The following XCR1 variants were observed in gnomAD, a reference collection of about 807,000 sequenced individuals.
The protein encoded by XCR1 is X-C motif chemokine receptor 1, also known as chemokine XC receptor 1.
For synonymous variants in XCR1, 187 were observed against 188.5 expected (o/e 0.99, Z 0.06); for missense variants, 356 against 424.2 (o/e 0.84, Z 1.41).
At chr3:46,051,957 C>T (rs948068792) in intron 5 of XCR1, among the ~76,000 whole-genome samples, 19 of 151,798 alleles carry the variant, frequency 1.3e-4, no homozygotes, top group Admixed American at 1.2e-3. Flanking sequence ...ACCCGGGAGG[C>T]GGAGCTTGCA....
chr3:46,053,325 G>C (rs1432595509), intron 5 of XCR1, among the ~76,000 whole-genome samples: 1 of 145,532 alleles, frequency 6.9e-6, no homozygotes, highest in South Asian at 2.1e-4. Context: ...ACGGAAATAG[G>C]AAAAGCACGA....
chr3:46,051,728 T>G (rs1376291857), intron 5 of XCR1, among the ~76,000 whole-genome samples: 1 of 152,178 alleles, frequency 6.6e-6, no homozygotes, highest in Non-Finnish European at 1.5e-5. Context: ...TCTTGTGACA[T>G]TAAAACTACT....
chr3:46,042,447 T>TAG (rs1407403134), intron 5 of XCR1, among the ~76,000 whole-genome samples: 1 of 152,100 alleles, frequency 6.6e-6, no homozygotes, highest in Non-Finnish European at 1.5e-5. Flanking sequence ...TAGAGATATA[T>TAG]AGAGAGAGAA....
chr3:46,028,155 C>G (rs1297539140), upstream of XCR1, among the ~76,000 whole-genome samples: 4 of 152,024 alleles, frequency 2.6e-5, no homozygotes, highest in African/African-American at 9.7e-5. Flanking sequence ...AAATCCAACT[C>G]TGCCTTCTTC....
chr3:46,039,772 T>C (rs548842411), intron 5 of XCR1, among the ~76,000 whole-genome samples: 8 of 152,290 alleles, frequency 5.3e-5, no homozygotes, highest in African/African-American at 1.7e-4. Context: ...AGGTCCATGA[T>C]ATTGCAAGGA....
intron 5 of XCR1, among the ~76,000 whole-genome samples, chr3:46,039,288 A>G (rs1697492857): frequency 6.9e-6 from 1 of 145,304 alleles, no homozygotes; most frequent in Non-Finnish European, 1.5e-5. Flanking sequence ...TGATACTTGC[A>G]TTTACCATTT....
At chr3:46,023,911 T>A in intron 1 of XCR1, 1 of 1,504,984 alleles carries the variant, frequency 6.6e-7, no homozygotes, top group Non-Finnish European at 9.2e-7. Flanking sequence ...GCCAGACTTC[T>A]AAAAAGGTCC....
At chr3:46,024,225 A>G in intron 1 of XCR1, 1 of 363,584 alleles carries the variant, frequency 2.8e-6, no homozygotes, top group Non-Finnish European at 5.0e-6. Flanking sequence ...AAAAAAAAAA[A>G]AAAAAATGAA....
At chr3:46,042,697 G>C (rs997533921) in intron 5 of XCR1, among the ~76,000 whole-genome samples, 4 of 152,108 alleles carry the variant, frequency 2.6e-5, no homozygotes, top group Admixed American at 6.5e-5. Context: ...TCCCAATAAA[G>C]AAAAGTCCAA....
intron 1 of XCR1, among the ~76,000 whole-genome samples, chr3:46,081,966 C>G (rs1419425026): frequency 6.6e-6 from 1 of 152,112 alleles, no homozygotes; most frequent in Non-Finnish European, 1.5e-5. Flanking sequence ...ATTTTGATTA[C>G]TGGAAAGGAT....
chr3:46,047,844 G>C (rs1015688365), intron 5 of XCR1, among the ~76,000 whole-genome samples: 1 of 152,154 alleles, frequency 6.6e-6, no homozygotes, highest in Admixed American at 6.5e-5. Context: ...TTGACCTTTA[G>C]GTCCGCAATG....
intron 5 of XCR1, among the ~76,000 whole-genome samples, chr3:46,034,260 C>T (rs1325044423): frequency 1.3e-5 from 2 of 152,214 alleles, no homozygotes; most frequent in Non-Finnish European, 2.9e-5. Flanking sequence ...GTGTGAGCCA[C>T]TGCACCTGGC....
chr3:46,076,241 C>A lies in XCR1; in HGVS notation c.-328+499G>T, dbSNP rs7622764. 3.6e-3 allele frequency among the ~76,000 whole-genome samples: 547 copies of A among 152,206 alleles called. 4 individuals carry two copies. The highest frequency in any genetic ancestry group is 0.012 in the African/African-American group (502 of 41,522). On this transcript the variant is annotated intron_variant, in intron 2 of 5. Transcript: ENST00000683768. ...ACAATTTAGGCAAATTTGAAAGATA[C>A]CCTTGTCTCTACCATCTGACATACC...
At position 46,021,670 on chromosome 3, in the gene XCR1, CA is replaced by C; in HGVS notation, c.277del (p.Trp93GlyfsTer15). 1 of 1,605,200 alleles carries C rather than the reference CA, an allele frequency of 6.2e-7. No individual in the cohort carries two copies. Among genetic ancestry groups the C allele is most frequent in the Non-Finnish European group, 8.5e-7 (1 of 1,176,314 alleles). On this transcript the variant is annotated frameshift_variant, in exon 2 of 2. Coordinates refer to ENST00000309285, the MANE Select transcript of XCR1 (RefSeq NM_001024644.2). LOFTEE classifies it low-confidence loss of function (END_TRUNC). This position sits in a 1 kb window ranked among gnomAD's most constrained non-coding sequence, Gnocchi z 4.7. ...LLPVWISPYH[W>X]GWVLGDFLCK... Reference sequence around the variant, plus strand: ...GAGGAAGTCTCCCAGCACCCAGCCCCAGTGGTATGGGGAGATCCACACAGGC... The same window carrying C: ...GAGGAAGTCTCCCAGCACCCAGCCCCGTGGTATGGGGAGATCCACACAGGC...
At chr3:46,069,637 C>A (rs1698133628) in intron 3 of XCR1, among the ~76,000 whole-genome samples, 1 of 152,142 alleles carries the variant, frequency 6.6e-6, no homozygotes. Context: ...ATATGTATTA[C>A]ATGCTGTATT....
chr3:46,046,440 C>T (rs1697628882), intron 5 of XCR1, among the ~76,000 whole-genome samples: 1 of 152,234 alleles, frequency 6.6e-6, no homozygotes, highest in Non-Finnish European at 1.5e-5. Context: ...GAAGTGACTG[C>T]CTTCAGCAAA....
At chr3:46,050,373 T>C (rs1288801187) in intron 5 of XCR1, among the ~76,000 whole-genome samples, 1 of 152,228 alleles carries the variant, frequency 6.6e-6, no homozygotes, top group Non-Finnish European at 1.5e-5. Context: ...GTCTGTAACC[T>C]GTCTTTACAG....
At chr3:46,054,089 A>G (rs1348933245) in intron 4 of XCR1, among the ~76,000 whole-genome samples, 1 of 152,166 alleles carries the variant, frequency 6.6e-6, no homozygotes, top group Non-Finnish European at 1.5e-5. Context: ...AGGGGGGCAA[A>G]CGCGGGAATA....
intron 4 of XCR1, among the ~76,000 whole-genome samples, chr3:46,060,947 A>G (rs1697950507): frequency 1.3e-5 from 2 of 152,232 alleles, no homozygotes; most frequent in South Asian, 4.1e-4. Flanking sequence ...GCATAAGCCC[A>G]CTGCCACACT....
Sources: gnomAD v4.1 joint callset for allele counts (sites outside exome capture counted in the v4.1 genomes callset) on GRCh38, gnomAD v4.1.1 for gene constraint, Gnocchi (gnomAD v3.1) non-coding constraint, MANE v1.5 for transcripts, NCBI Gene and HGNC (gene_info 2026-07-23, HGNC 2026-07-21) for gene names.